The following KLHL4 variants were observed in gnomAD, a reference collection of about 807,000 sequenced individuals.
KLHL4 encodes kelch like family member 4.
KLHL4 carries 17 observed loss-of-function variants against 45.8 expected under a neutral mutation model. The ratio of observed to expected loss-of-function variants is 0.37; its 90% CI spans 0.25 to 0.56. KLHL4 has a LOEUF of 0.56. KLHL4 is among the 20% of genes least tolerant of loss of function. The pLI is 0.79. For synonymous variants in KLHL4, 224 were observed against 189.9 expected (o/e 1.18, Z -1.47); for missense variants, 544 against 544.9 (o/e 1.00, Z 0.02).
intron 9 of KLHL4, among the ~76,000 whole-genome samples, chrX:87,643,039 G>A (rs1235037766): frequency 3.6e-5 from 4 of 110,895 alleles, no homozygotes; most frequent in African/African-American, 1.3e-4. Flanking sequence ...AATACAAGAA[G>A]CACAAAAACA....
chrX:87,528,642 G>T (rs5969234), intron 1 of KLHL4, among the ~76,000 whole-genome samples: 25,350 of 97,009 alleles, frequency 0.26, 2,997 homozygotes, highest in East Asian at 0.56. Context: ...TTGAACCCAG[G>T]AGGCAGAGGT....
intron 1 of KLHL4, 140 bp downstream of exon 1, chrX:87,518,455 T>A: frequency 1.5e-5 from 8 of 533,227 alleles, no homozygotes; most frequent in East Asian, 7.1e-5. Context: ...TCAGAAACCG[T>A]CTCCTCTAAG....
intron 3 of KLHL4, among the ~76,000 whole-genome samples, chrX:87,615,329 C>A (rs1161784537): frequency 9.0e-6 from 1 of 111,412 alleles, no homozygotes; most frequent in Non-Finnish European, 1.9e-5. Context: ...TTTTATAAAG[C>A]ACTATTAAGT....
At chrX:87,552,712 T>A (rs961374016) in intron 1 of KLHL4, among the ~76,000 whole-genome samples, 7 of 61,644 alleles carry the variant, frequency 1.1e-4, no homozygotes, top group Non-Finnish European at 1.7e-4. Flanking sequence ...TATATATATA[T>A]AACATGGCAT....
intron 9 of KLHL4, among the ~76,000 whole-genome samples, chrX:87,647,940 C>T (rs1385468234): frequency 9.0e-6 from 1 of 111,355 alleles, no homozygotes; most frequent in Non-Finnish European, 1.9e-5. Context: ...GAGATGATGA[C>T]TTACCATCAC....
chrX:87,547,600 A>G (rs889082202), intron 1 of KLHL4, among the ~76,000 whole-genome samples: 3 of 111,179 alleles, frequency 2.7e-5, no homozygotes, highest in South Asian at 7.6e-4. Context: ...AGGCGGGTGG[A>G]TCATGAGGTC....
At chrX:87,570,329 T>C (rs1932308841) in intron 1 of KLHL4, among the ~76,000 whole-genome samples, 1 of 110,507 alleles carries the variant, frequency 9.0e-6, no homozygotes, top group African/African-American at 3.3e-5. Flanking sequence ...AGTTAGTTGA[T>C]AATTATATAT....
At chrX:87,587,831 G>A (rs761783043) in intron 1 of KLHL4, among the ~76,000 whole-genome samples, 2 of 110,960 alleles carry the variant, frequency 1.8e-5, no homozygotes, top group East Asian at 2.9e-4. Flanking sequence ...AGATGTAAAG[G>A]TCACCCAAAA....
chrX:87,548,563 C>A (rs1931733542), intron 1 of KLHL4, among the ~76,000 whole-genome samples: 1 of 111,077 alleles, frequency 9.0e-6, no homozygotes, highest in Non-Finnish European at 1.9e-5. Context: ...ATAGCTACAA[C>A]TTTTCAAGAC....
chrX:87,661,151 T>C (rs1277681482), intron 9 of KLHL4, among the ~76,000 whole-genome samples: 1 of 112,045 alleles, frequency 8.9e-6, no homozygotes, highest in African/African-American at 3.2e-5. Flanking sequence ...ATAATGGCAA[T>C]TTTCTTGTAA....
At chrX:87,533,937 G>A (rs923185684) in intron 1 of KLHL4, among the ~76,000 whole-genome samples, 5 of 110,879 alleles carry the variant, frequency 4.5e-5, no homozygotes, top group Admixed American at 9.7e-5. Context: ...TTGAAACCAG[G>A]TTATTAAGTA....
chrX:87,641,240 G>C (rs928409176), intron 9 of KLHL4, among the ~76,000 whole-genome samples: 1 of 112,236 alleles, frequency 8.9e-6, no homozygotes, highest in Non-Finnish European at 1.9e-5. Flanking sequence ...CTGCAGAAGT[G>C]TGAAAGGGAG....
At chrX:87,574,104 T>C (rs1921017679) in intron 1 of KLHL4, among the ~76,000 whole-genome samples, 1 of 111,901 alleles carries the variant, frequency 8.9e-6, no homozygotes, top group Admixed American at 9.5e-5. Context: ...AACTTCCTAT[T>C]TGTAATAGTA....
At position 87,668,494 on chromosome X, in the gene KLHL4, G is replaced by C. The variant is rs929405802; in HGVS notation, c.*1960G>C. ...CCCTTCATAGCTGCATTTAAAAATG[G>C]TGTTCAGGCCACTATGGCTGCTGTG... is the stretch of plus-strand genomic sequence containing the variant. On this transcript the variant is annotated 3_prime_UTR_variant, in exon 11 of 11. Coordinates refer to ENST00000373119, the MANE Select transcript of KLHL4 (RefSeq NM_019117.5). The C allele has an allele frequency of 4.0e-6, 3 of 750,977 alleles. No homozygotes were observed. In the African/African-American group the frequency reaches 6.9e-5, roughly 17 times the overall value. 61.9% of individuals were successfully genotyped at this position (750,977 alleles called of 1,213,427 possible).
At chrX:87,604,080 A>C (rs777288991) in intron 1 of KLHL4, among the ~76,000 whole-genome samples, 1 of 110,824 alleles carries the variant, frequency 9.0e-6, no homozygotes, top group African/African-American at 3.3e-5. Context: ...AATCCTTTTT[A>C]TGGCTAAATA....
chrX:87,535,909 T>A (rs752710606), intron 1 of KLHL4, among the ~76,000 whole-genome samples: 1 of 110,201 alleles, frequency 9.1e-6, no homozygotes, highest in Admixed American at 9.8e-5. Flanking sequence ...TTGCTCCTTC[T>A]CCAACCATGT....
At chrX:87,519,022 A>C (rs763012569) in intron 1 of KLHL4, among the ~76,000 whole-genome samples, 2 of 111,751 alleles carry the variant, frequency 1.8e-5, no homozygotes, top group South Asian at 7.5e-4. Flanking sequence ...AGTTCATAAA[A>C]CATTTGATTT....
intron 1 of KLHL4, among the ~76,000 whole-genome samples, chrX:87,532,252 A>C (rs1424482119): frequency 9.1e-6 from 1 of 110,031 alleles, no homozygotes; most frequent in Non-Finnish European, 1.9e-5. Context: ...GTAGATATGC[A>C]GCATTATTTC....
chrX:87,579,149 G>A (rs1921192097), intron 1 of KLHL4, among the ~76,000 whole-genome samples: 1 of 110,425 alleles, frequency 9.1e-6, no homozygotes, highest in Admixed American at 9.7e-5. Context: ...GGAGAGGAGT[G>A]GAGCATGTCT....
Sources: gnomAD v4.1 joint callset for allele counts (sites outside exome capture counted in the v4.1 genomes callset) on GRCh38, gnomAD v4.1.1 for gene constraint, MANE v1.5 for transcripts, NCBI Gene and HGNC (gene_info 2026-07-23, HGNC 2026-07-21) for gene names.